The following PIK3R2 variants were observed in gnomAD, a reference collection of about 807,000 sequenced individuals.
PIK3R2 encodes the protein phosphatidylinositol 3-kinase regulatory subunit beta.
A neutral mutation model predicts 78.5 loss-of-function variants in PIK3R2; 40 were observed. The ratio of observed to expected loss-of-function variants is 0.51; its 90% CI spans 0.40 to 0.66. The LOEUF (loss-of-function observed/expected upper bound fraction) is 0.66. PIK3R2 is among the 30% of genes least tolerant of loss of function. The pLI is 0.00. For synonymous variants in PIK3R2, 473 were observed against 457.7 expected (o/e 1.03, Z -0.43); for missense variants, 880 against 1,026.6 (o/e 0.86, Z 1.95).
chr19:18,155,774 C>A lies in PIK3R2; in HGVS notation c.-106C>A. ...ACTGCTGGAGATAGAGGTCCCAGCA[C>A]CCCAAGCCAACCCAGCGGACCCTCC... On this transcript the variant is annotated 5_prime_UTR_variant, in exon 2 of 16. Coordinates refer to ENST00000222254, the MANE Select transcript of PIK3R2 (RefSeq NM_005027.4). 1 of 1,066,218 alleles carries A rather than the reference C, an allele frequency of 9.4e-7. No homozygotes were observed. Among genetic ancestry groups the A allele is most frequent in the Non-Finnish European group, 1.3e-6 (1 of 763,748 alleles). 66.0% of individuals were successfully genotyped at this position (1,066,218 alleles called of 1,614,324 possible). A position where few individuals can be genotyped will look rare whatever the true frequency, so the allele number is the denominator to read the frequency against.
chr19:18,156,004 G>A lies in PIK3R2; in HGVS notation c.125G>A (p.Gly42Asp), dbSNP rs2147944908. ...AGCCGGGCGGCCTTGCAGGCGCTGG[G>A]CGTGGCCGAGGGTGGCGAGCGCTGC... is the stretch of plus-strand genomic sequence containing the variant. ...VVSRAALQAL[G>D]VAEGGERCPQ... The change falls in exon 2 of 16, where the codon GGC becomes GAC. Residue 42 changes from glycine to aspartate, a missense_variant. This residue lies in a region of PIK3R2 where 456 missense variants were observed against 486.6 expected (regional missense o/e 0.94). Transcript: ENST00000222254. The surrounding 1 kb of genome is among the most constrained non-coding windows in gnomAD (Gnocchi z 4.2). 1 of 1,558,670 alleles carries A rather than the reference G, an allele frequency of 6.4e-7. No individual in the cohort carries two copies.
chr19:18,159,144 C>CTATTTTTTTTTTTT, intron 2 of PIK3R2, among the ~76,000 whole-genome samples: 1 of 50,054 alleles, frequency 2.0e-5, no homozygotes, highest in Non-Finnish European at 3.4e-5. Context: ...GCCTGGCCTC[C>CTATTTTTTTTTTTT]TTTTTTTTTT....
chr19:18,167,393 C>A lies in PIK3R2; in HGVS notation c.1736+87C>A. ...TCTCTAGGAGTCTCAGTCTCTCTCT[C>A]TCCACCAAGTGGCCCTTCCTGGGCC... On this transcript the variant is annotated intron_variant, in intron 13 of 15. Transcript: ENST00000222254. The surrounding 1 kb of genome is among the most constrained non-coding windows in gnomAD (Gnocchi z 4.5). The A allele has an allele frequency of 1.6e-6, 2 of 1,216,342 alleles. No individual in the cohort carries two copies. Among genetic ancestry groups the A allele is most frequent in the Non-Finnish European group, 2.2e-6 (2 of 900,990 alleles). 75.3% of individuals were successfully genotyped at this position (1,216,342 alleles called of 1,614,324 possible). A position where few individuals can be genotyped will look rare whatever the true frequency, so the allele number is the denominator to read the frequency against.
intron 9 of PIK3R2, 198 bp downstream of exon 9, chr19:18,162,704 T>G: frequency 1.7e-6 from 1 of 605,416 alleles, no homozygotes; most frequent in Non-Finnish European, 2.9e-6. Flanking sequence ...GCCAACATGG[T>G]GAAACCCCGT....
In PIK3R2 at chr19:18,161,048, C is replaced by T. The variant is rs1003792119; in HGVS notation, c.467-6C>T. 4 of 1,611,268 alleles carry T rather than the reference C, an allele frequency of 2.5e-6. No homozygotes were observed. Among genetic ancestry groups the T allele is most frequent in the South Asian group, 1.1e-5 (1 of 90,626 alleles). On this transcript the variant is annotated splice_region_variant and splice_polypyrimidine_tract_variant and intron_variant, in intron 4 of 15. Transcript: ENST00000222254. This position sits in a 1 kb window ranked among gnomAD's most constrained non-coding sequence, Gnocchi z 5.3. ...GAGTTGGACGTGTGCCCCCCTGCAC[C>T]CGCAGACTGGTCCCTGAGCGACGTG...
chr19:18,158,835 TTTTTGTTTTG>T (rs536343079), intron 2 of PIK3R2, among the ~76,000 whole-genome samples: 1 of 152,106 alleles, frequency 6.6e-6, no homozygotes, highest in South Asian at 2.1e-4. Context: ...TTAATGTATC[TTTTTGTTTTG>T]TTTTGTTTTG....
rs202218011 is a variant in PIK3R2, at chr19:18,163,403, G to A, written c.1416+15G>A. ...GGACCTCCCAGGTACTCCAGGCCCC[G>A]TACATGAGGGAAACCGAGACATAGA... On this transcript the variant is annotated intron_variant, in intron 11 of 15. Transcript: ENST00000222254. The A allele has an allele frequency of 2.0e-4, 315 of 1,613,682 alleles. No homozygotes were observed. In the African/African-American group the frequency reaches 2.2e-3, roughly 11 times the overall value.
chr19:18,157,636 C>T (rs1401954095), intron 2 of PIK3R2, among the ~76,000 whole-genome samples: 2 of 152,200 alleles, frequency 1.3e-5, no homozygotes, highest in Non-Finnish European at 2.9e-5. Context: ...GGAACCCCCT[C>T]CCCATTCTGC....
chr19:18,155,873 C>T lies in PIK3R2; in HGVS notation c.-7C>T, dbSNP rs548642022. Reference sequence around the variant, plus strand: ...AACCATCCAGACCCCACCCCACTCACGCGGCCATGGCGGGCCCTGAGGGCT... The same window carrying T: ...AACCATCCAGACCCCACCCCACTCATGCGGCCATGGCGGGCCCTGAGGGCT... On this transcript the variant is annotated 5_prime_UTR_variant, in exon 2 of 16. In the 5' UTR this introduces an upstream ATG that the reference lacks. Coordinates refer to ENST00000222254, the MANE Select transcript of PIK3R2 (RefSeq NM_005027.4). 9.8e-6 allele frequency: 15 copies of T among 1,537,108 alleles called. No individual in the cohort carries two copies. In the African/African-American group the frequency reaches 1.1e-4, roughly 11 times the overall value.
chr19:18,165,362 CAAA>C (rs33933785), intron 11 of PIK3R2, among the ~76,000 whole-genome samples: 2 of 81,016 alleles, frequency 2.5e-5, no homozygotes, highest in Admixed American at 3.0e-4. Context: ...GACTCCGTCT[CAAA>C]AAAAAAAAAA....
rs765749303 is a variant in PIK3R2 at position 18,160,964 on chromosome 19, G to T, written c.461G>T (p.Arg154Leu). 6.2e-7 allele frequency: 1 copy of T among 1,612,554 alleles called. No individual in the cohort carries two copies. The highest frequency in any genetic ancestry group is 8.5e-7 in the Non-Finnish European group (1 of 1,179,664). The change falls in exon 4 of 16, where the codon CGT (arginine) becomes CTT (leucine). Residue 154 changes from arginine to leucine, a missense_variant. Transcript: ENST00000222254. ...TACCGCCCGGAGCTGCCCGCACCGC[G>T]TACAGGTGAAGGGGAGCCTCAATGG... Reference protein sequence around the residue: ...SHYRPELPAPRTDWSLSDVDQ... With the variant: ...SHYRPELPAPLTDWSLSDVDQ...
At chr19:18,160,308 C>T (rs2043727015) in intron 2 of PIK3R2, among the ~76,000 whole-genome samples, 163 bp from the exon 3 acceptor site, 1 of 152,212 alleles carries the variant, frequency 6.6e-6, no homozygotes, top group African/African-American at 2.4e-5. Context: ...CCCCTCCACC[C>T]AAGGTCTTGC....
chr19:18,153,634 CGGGAG>C (rs1374742790), intron 1 of PIK3R2, among the ~76,000 whole-genome samples: 2 of 152,154 alleles, frequency 1.3e-5, no homozygotes, highest in Non-Finnish European at 2.9e-5. Context: ...GAATGGGGTG[CGGGAG>C]GGCCGGGGGT....
intron 2 of PIK3R2, among the ~76,000 whole-genome samples, chr19:18,157,966 G>A (rs2043697006): frequency 6.6e-6 from 1 of 152,226 alleles, no homozygotes; most frequent in Admixed American, 6.5e-5. Context: ...GGGCTGGGAG[G>A]GGGCTGGGCC....
chr19:18,164,142 T>C (rs1004287052), intron 11 of PIK3R2, among the ~76,000 whole-genome samples: 2 of 151,664 alleles, frequency 1.3e-5, no homozygotes, highest in Non-Finnish European at 2.9e-5. Context: ...ATAATAATAA[T>C]TAAAATAAAA....
At position 18,156,338 on chromosome 19, in the gene PIK3R2, G is replaced by A. The variant is rs556689367; in HGVS notation, c.322+137G>A. The A allele has an allele frequency of 1.4e-3, 929 of 675,926 alleles. 2 individuals are homozygous for A. Among genetic ancestry groups the A allele is most frequent in the Non-Finnish European group, 1.8e-3 (799 of 436,678 alleles). The allele number at this position is 675,926 out of a possible 1,614,324, so 41.9% of individuals were successfully genotyped here. On this transcript the variant is annotated intron_variant, in intron 2 of 15. Transcript: ENST00000222254. This position sits in a 1 kb window ranked among gnomAD's most constrained non-coding sequence, Gnocchi z 4.2. The stretch of plus-strand genomic sequence containing the variant: ...TGGTCATTTGACAAGTGTCTTCAGT[G>A]CTAGGCTCAGCAGTGGACACAAGGC...
chr19:18,162,176 G>T, intron 7 of PIK3R2, 26 bp from the exon 8 acceptor site: 1 of 1,425,498 alleles, frequency 7.0e-7, no homozygotes, highest in Non-Finnish European at 9.9e-7. Flanking sequence ...CGGTGCTCAG[G>T]ATGCATTTGT....
intron 7 of PIK3R2, 60 bp from the exon 8 acceptor site, chr19:18,162,142 T>C: frequency 2.8e-6 from 4 of 1,444,986 alleles, no homozygotes; most frequent in Non-Finnish European, 3.9e-6. Flanking sequence ...CTGGTTGCAG[T>C]GGGAGGCAGC....
At chr19:18,166,346 G>C in intron 12 of PIK3R2, 44 bp downstream of exon 12, 5 of 1,545,216 alleles carry the variant, frequency 3.2e-6, no homozygotes, top group Non-Finnish European at 4.5e-6. Context: ...CCCTGATCTG[G>C]TGCAGTACAA....
Sources: gnomAD v4.1 joint callset for allele counts (sites outside exome capture counted in the v4.1 genomes callset) on GRCh38, gnomAD v4.1.1 for gene constraint, gnomAD v4.1.1 regional missense constraint, Gnocchi (gnomAD v3.1) non-coding constraint, MANE v1.5 for transcripts, NCBI Gene and HGNC (gene_info 2026-07-23, HGNC 2026-07-21) for gene names.